The following MED1 variants were observed in gnomAD, a reference collection of about 807,000 sequenced individuals.
MED1 encodes mediator complex subunit 1, also known as mediator of RNA polymerase II transcription subunit 1.
MED1 carries 17 observed loss-of-function variants against 121.3 expected under a neutral mutation model. The observed-to-expected ratio is 0.14, with a 90% CI of 0.10 to 0.21. The LOEUF (loss-of-function observed/expected upper bound fraction) is 0.21. Ranked by LOEUF, MED1 falls within the 10% of genes least tolerant of loss-of-function variation. The probability of loss-of-function intolerance (pLI) is 1.00; values close to 1 mark genes in which losing one functional copy is unlikely to be tolerated. For synonymous variants in MED1, 661 were observed against 694.4 expected (o/e 0.95, Z 0.76); for missense variants, 1,558 against 1,919.4 (o/e 0.81, Z 3.52).
At chr17:39,410,869 G>C in intron 16 of MED1, 148 bp from the exon 17 acceptor site, 1 of 1,226,774 alleles carries the variant, frequency 8.2e-7, no homozygotes, top group Non-Finnish European at 1.1e-6. Context: ...TCAAATACCA[G>C]AGCTTTGGGT....
intron 15 of MED1, 27 bp downstream of exon 15, chr17:39,415,217 G>A (rs1404833624): frequency 1.9e-6 from 3 of 1,608,510 alleles, no homozygotes; most frequent in African/African-American, 1.3e-5. Flanking sequence ...CGCTCCATGA[G>A]AGGTGTTAGC....
At chr17:39,428,462 C>A (rs1424001103) in intron 9 of MED1, among the ~76,000 whole-genome samples, 1 of 150,492 alleles carries the variant, frequency 6.6e-6, no homozygotes, top group Non-Finnish European at 1.5e-5. Context: ...CCAGCCCTGG[C>A]AACAGAGGGA....
Position 39,420,197 on chromosome 17 carries a change from CTTTTTTT to C in MED1, c.1096-286_1096-280del, listed in dbSNP as rs751616356. The stretch of plus-strand genomic sequence containing the variant: ...TTCCTAAACCATAAATGCAAAATCT[CTTTTTTT>C]TTTTTTTTTTTTTGAGACAGAGTCT... On this transcript the variant is annotated intron_variant, in intron 13 of 16. Transcript: ENST00000300651. Among the ~76,000 whole-genome samples, 7 of 132,702 alleles carry C rather than the reference CTTTTTTT, an allele frequency of 5.3e-5. No homozygotes were observed. In the East Asian group the frequency reaches 6.5e-4, roughly 12 times the overall value. The allele number at this position is 132,702 out of a possible 152,430, so 87.1% of individuals were successfully genotyped here. A position where few individuals can be genotyped will look rare whatever the true frequency, so the allele number is the denominator to read the frequency against.
At chr17:39,445,449 TG>T (rs2048717170) in intron 2 of MED1, 1 of 151,990 alleles carries the variant, frequency 6.6e-6, no homozygotes, top group Non-Finnish European at 1.5e-5. Flanking sequence ...TGACCTCAGG[TG>T]ATCGACCCGC....
chr17:39,421,883 C>T (rs1298080783), intron 13 of MED1, among the ~76,000 whole-genome samples: 1 of 149,996 alleles, frequency 6.7e-6, no homozygotes, highest in East Asian at 2.1e-4. Context: ...AATCCTAGCA[C>T]TTTGGGAGGC....
intron 10 of MED1, 88 bp downstream of exon 10, chr17:39,427,613 C>A (rs571385672): frequency 3.1e-5 from 29 of 937,824 alleles, no homozygotes; most frequent in Middle Eastern, 2.3e-4. Flanking sequence ...GTAAGGTCAA[C>A]AAACTCATTA....
At chr17:39,425,463 G>A (rs1567645879) in intron 10 of MED1, among the ~76,000 whole-genome samples, 1 of 152,132 alleles carries the variant, frequency 6.6e-6, no homozygotes, top group East Asian at 1.9e-4. Flanking sequence ...CCACAGTGCT[G>A]AAATTACAGG....
intron 1 of MED1, 103 bp downstream of exon 1, chr17:39,450,933 CTA>C (rs1256229509): frequency 3.6e-5 from 34 of 944,590 alleles, no homozygotes; most frequent in Non-Finnish European, 5.1e-5. Context: ...CTCCTGGACT[CTA>C]TGCCCCTAAA....
chr17:39,429,364 A>G (rs536663978), intron 9 of MED1, among the ~76,000 whole-genome samples: 2 of 152,176 alleles, frequency 1.3e-5, no homozygotes, highest in East Asian at 1.9e-4. Context: ...AAAGATAACA[A>G]ACAAAAATGG....
Position 39,410,503 on chromosome 17 carries a change from G to A in MED1, c.1718C>T (p.Thr573Ile), listed in dbSNP as rs1278294956. ...GCTCATGCTCATATTAAACAAGGTG[G>A]TAATGGGACCCCCCGGAAAGGTGTT... is the stretch of plus-strand genomic sequence containing the variant. ...PTNTFPGGPI[T>I]TLFNMSMSIK... The change falls in exon 17 of 17, where the codon ACC (threonine) becomes ATC (isoleucine). Residue 573 changes from threonine (T) to isoleucine (I), a missense_variant. By Grantham distance (89) the Thr-to-Ile change is moderately conservative (BLOSUM62 -1). Coordinates refer to ENST00000300651, the MANE Select transcript of MED1 (RefSeq NM_004774.4). 1.2e-6 allele frequency: 2 copies of A among 1,614,120 alleles called. No individual in the cohort carries two copies. Among genetic ancestry groups the A allele is most frequent in the South Asian group, 1.1e-5 (1 of 91,066 alleles).
At chr17:39,446,376 G>C (rs533058705) in intron 2 of MED1, among the ~76,000 whole-genome samples, 1 of 148,250 alleles carries the variant, frequency 6.7e-6, no homozygotes, top group South Asian at 2.2e-4. Flanking sequence ...CATGAACCCG[G>C]GAGGCAAAGC....
At chr17:39,445,892 G>T (rs780112265) in intron 2 of MED1, among the ~76,000 whole-genome samples, 34 of 151,682 alleles carry the variant, frequency 2.2e-4, no homozygotes, top group Non-Finnish European at 3.2e-4. Flanking sequence ...AACTGGGCAT[G>T]GTGGCGGATG....
At chr17:39,418,372 C>T (rs1458292962) in intron 14 of MED1, among the ~76,000 whole-genome samples, 1 of 151,940 alleles carries the variant, frequency 6.6e-6, no homozygotes, top group African/African-American at 2.4e-5. Context: ...GACCCTGTCT[C>T]TACAGAAAAA....
chr17:39,433,369 T>TA (rs1187501547), intron 7 of MED1, among the ~76,000 whole-genome samples: 18 of 144,106 alleles, frequency 1.2e-4, no homozygotes, highest in Non-Finnish European at 2.4e-4. Context: ...AATCCGTATT[T>TA]AAAAAAAAAG....
intron 8 of MED1, 114 bp from the exon 9 acceptor site, chr17:39,431,302 A>C: frequency 1.2e-6 from 1 of 828,678 alleles, no homozygotes; most frequent in Non-Finnish European, 1.9e-6. Context: ...TTTGAGACGG[A>C]GTTTCGCTCT....
chr17:39,435,081 C>T (rs1265233018), intron 6 of MED1, among the ~76,000 whole-genome samples: 2 of 152,066 alleles, frequency 1.3e-5, no homozygotes, highest in Middle Eastern at 3.4e-3. Flanking sequence ...GGCAGGAGAA[C>T]AGCATGAACC....
chr17:39,406,044 G>A lies in MED1; in HGVS notation c.*1431C>T. On this transcript the variant is annotated 3_prime_UTR_variant, in exon 17 of 17. Coordinates refer to ENST00000300651, the MANE Select transcript of MED1 (RefSeq NM_004774.4). ...AAGTAAGGCCGCAGAATTTTTGAGA[G>A]GACCCTCCAAATACTGAGAACTTCT... is the stretch of plus-strand genomic sequence containing the variant. The A allele has an allele frequency of 1.0e-6, 1 of 985,392 alleles. No homozygotes were observed. The highest frequency in any genetic ancestry group is 1.2e-6 in the Non-Finnish European group (1 of 829,902). The allele number at this position is 985,392 out of a possible 1,614,324, so 61.0% of individuals were successfully genotyped here.
At position 39,423,356 on chromosome 17, in the gene MED1, G is replaced by A. The variant is rs754238063; in HGVS notation, c.1066C>T (p.Pro356Ser). 4.3e-6 allele frequency: 7 copies of A among 1,612,364 alleles called. No individual in the cohort carries two copies. Among genetic ancestry groups the A allele is most frequent in the Non-Finnish European group, 5.9e-6 (7 of 1,178,454 alleles). Residue 356 changes from proline to serine, a missense_variant, in exon 13 of 17, where the codon CCT becomes TCT. Transcript: ENST00000300651. ...FELSKDPDPI[P>S]LNHNMRFYAA... is the part of the protein sequence containing the mutation. ...TAAAATCTCATGTTGTGATTCAAAG[G>A]TATGGGGTCAGGGTCCTTTGATAGC...
intron 13 of MED1, among the ~76,000 whole-genome samples, chr17:39,422,469 GTTTTTTTTTT>G (rs750032186): frequency 1.3e-5 from 1 of 74,340 alleles, no homozygotes; most frequent in East Asian, 4.3e-4. Flanking sequence ...GCCCAGCCTC[GTTTTTTTTTT>G]TTTTTTTTTT....
Sources: gnomAD v4.1 joint callset for allele counts (sites outside exome capture counted in the v4.1 genomes callset) on GRCh38, gnomAD v4.1.1 for gene constraint, MANE v1.5 for transcripts, NCBI Gene and HGNC (gene_info 2026-07-23, HGNC 2026-07-21) for gene names.